Variants in TBC1D32 observed in about 807,000 individuals in gnomAD.
The protein encoded by TBC1D32 is TBC1 domain family member 32.
TBC1D32 carries 151 observed loss-of-function variants against 170.3 expected under a neutral mutation model. The observed-to-expected ratio is 0.89, with a 90% confidence interval of 0.78 to 1.01. The LOEUF is 1.01. Ranked by LOEUF, TBC1D32 falls within the 50% of genes least tolerant of loss-of-function variation. The pLI, the probability that TBC1D32 is intolerant of heterozygous loss-of-function variation, is 0.00. For synonymous variants in TBC1D32, 498 were observed against 488.0 expected (o/e 1.02, Z -0.27); for missense variants, 1,464 against 1,457.1 (o/e 1.00, Z -0.08).
intron 15 of TBC1D32, among the ~76,000 whole-genome samples, chr6:121,256,558 G>A (rs1187438303): frequency 3.3e-5 from 5 of 152,146 alleles, no homozygotes; most frequent in South Asian, 2.1e-4. Flanking sequence ...ATGTAGATAA[G>A]TATTGTCAAT....
At chr6:121,121,215 C>A (rs1319136695) in intron 26 of TBC1D32, among the ~76,000 whole-genome samples, 1 of 152,086 alleles carries the variant, frequency 6.6e-6, no homozygotes, top group South Asian at 2.1e-4. Flanking sequence ...AGGTTACATT[C>A]TAGCTGAAAC....
At chr6:121,111,287 G>A (rs1190352442) in intron 29 of TBC1D32, among the ~76,000 whole-genome samples, 1 of 152,124 alleles carries the variant, frequency 6.6e-6, no homozygotes, top group Non-Finnish European at 1.5e-5. Context: ...TGATTCACTG[G>A]TGATGTTTAG....
chr6:121,245,988 G>C (rs538509929), intron 17 of TBC1D32, among the ~76,000 whole-genome samples: 1 of 152,216 alleles, frequency 6.6e-6, no homozygotes, highest in South Asian at 2.1e-4. Flanking sequence ...CACCATCATG[G>C]CTGGGACCTC....
chr6:121,261,668 GAGAA>G (rs1799787527), intron 15 of TBC1D32, among the ~76,000 whole-genome samples: 1 of 152,164 alleles, frequency 6.6e-6, no homozygotes, highest in African/African-American at 2.4e-5. Flanking sequence ...TCATGAAGAT[GAGAA>G]AGAATCAATG....
chr6:121,220,645 T>TC (rs1228597215), intron 21 of TBC1D32, among the ~76,000 whole-genome samples: 1 of 148,790 alleles, frequency 6.7e-6, no homozygotes, highest in South Asian at 2.1e-4. Context: ...TTTTTCTTTT[T>TC]TTTTTTTTTT....
intron 17 of TBC1D32, among the ~76,000 whole-genome samples, chr6:121,247,969 C>T (rs552657450): frequency 6.6e-6 from 1 of 152,124 alleles, no homozygotes; most frequent in South Asian, 2.1e-4. Context: ...AACAAATGGA[C>T]TTAACAGATA....
intron 21 of TBC1D32, among the ~76,000 whole-genome samples, chr6:121,221,015 G>A (rs1483323170): frequency 6.6e-6 from 1 of 151,964 alleles, no homozygotes; most frequent in East Asian, 1.9e-4. Flanking sequence ...AGCTAGAAAG[G>A]AGAAGTCAGT....
intron 19 of TBC1D32, among the ~76,000 whole-genome samples, chr6:121,240,119 C>G (rs1400438300): frequency 1.3e-5 from 2 of 152,036 alleles, no homozygotes; most frequent in African/African-American, 4.8e-5. Flanking sequence ...ATAGTACCTA[C>G]GACATCGGAG....
intron 22 of TBC1D32, among the ~76,000 whole-genome samples, chr6:121,176,835 G>C (rs1787828295): frequency 6.6e-6 from 1 of 152,066 alleles, no homozygotes; most frequent in African/African-American, 2.4e-5. Flanking sequence ...CTGACCTCGT[G>C]ATCTGCCCAC....
At chr6:121,321,324 A>G (rs1809665994) in intron 2 of TBC1D32, among the ~76,000 whole-genome samples, 1 of 152,296 alleles carries the variant, frequency 6.6e-6, no homozygotes, top group Non-Finnish European at 1.5e-5. Context: ...GTTTTTTGCA[A>G]AAGAGCAGGC....
At chr6:121,157,526 G>C (rs1351752046) in intron 24 of TBC1D32, among the ~76,000 whole-genome samples, 1 of 152,100 alleles carries the variant, frequency 6.6e-6, no homozygotes, top group African/African-American at 2.4e-5. Flanking sequence ...ACTGATATGT[G>C]AGATTCTGAT....
intron 22 of TBC1D32, among the ~76,000 whole-genome samples, chr6:121,168,324 A>C (rs1296774469): frequency 7.1e-6 from 1 of 141,590 alleles, no homozygotes; most frequent in African/African-American, 2.7e-5. Context: ...AATGTCCAAC[A>C]ATGATAGACT....
intron 24 of TBC1D32, among the ~76,000 whole-genome samples, 196 bp from the exon 25 acceptor site, chr6:121,131,948 T>C (rs1781486664): frequency 6.6e-6 from 1 of 151,996 alleles, no homozygotes. Flanking sequence ...CAACAATGAA[T>C]TACTGAATTA....
chr6:121,246,451 A>C (rs1797616450), intron 17 of TBC1D32, among the ~76,000 whole-genome samples: 1 of 151,994 alleles, frequency 6.6e-6, no homozygotes, highest in Non-Finnish European at 1.5e-5. Context: ...TGAAAAAAGT[A>C]ATTCTGGTAA....
chr6:121,200,012 A>G (rs1791329493), intron 22 of TBC1D32, among the ~76,000 whole-genome samples: 1 of 151,426 alleles, frequency 6.6e-6, no homozygotes, highest in African/African-American at 2.5e-5. Context: ...TACTATATAT[A>G]AAACTTACTG....
chr6:121,316,000 TTA>T (rs1176507709), intron 3 of TBC1D32, among the ~76,000 whole-genome samples: 2 of 152,044 alleles, frequency 1.3e-5, no homozygotes, highest in African/African-American at 2.4e-5. Context: ...ACTTGAAAAT[TTA>T]TATATACCCT....
intron 21 of TBC1D32, among the ~76,000 whole-genome samples, chr6:121,205,827 G>A (rs1655267657): frequency 6.6e-6 from 1 of 152,148 alleles, no homozygotes; most frequent in African/African-American, 2.4e-5. Context: ...AACCACTGAT[G>A]CAAATATACA....
chr6:121,158,170 T>G (rs1785153356), intron 24 of TBC1D32, among the ~76,000 whole-genome samples: 1 of 152,188 alleles, frequency 6.6e-6, no homozygotes, highest in Non-Finnish European at 1.5e-5. Context: ...AATCTCATAT[T>G]TCTTGGAAGT....
intron 4 of TBC1D32, among the ~76,000 whole-genome samples, chr6:121,309,935 G>T (rs891131647): frequency 2.0e-5 from 3 of 152,202 alleles, no homozygotes; most frequent in African/African-American, 7.2e-5. Flanking sequence ...TTAGAAGGCT[G>T]AGGTGGGAAA....
Sources: gnomAD v4.1 joint callset for allele counts (sites outside exome capture counted in the v4.1 genomes callset) on GRCh38, gnomAD v4.1.1 for gene constraint, MANE v1.5 for transcripts, NCBI Gene and HGNC (gene_info 2026-07-23, HGNC 2026-07-21) for gene names.